The following ZNF555 variants were observed in gnomAD, a reference collection of about 807,000 sequenced individuals.
ZNF555 encodes the protein zinc finger protein 555.
Under a neutral mutation model 14.0 loss-of-function variants are expected in ZNF555, and 10 were observed. That is an observed-to-expected ratio of 0.72 (90% CI 0.44 to 1.21). The LOEUF is 1.21. Among genes scored for constraint, ZNF555 ranks in the 50% most tolerant of loss-of-function variants. ZNF555 has a pLI of 0.00. For synonymous variants in ZNF555, 277 were observed against 262.4 expected, an observed-to-expected ratio of 1.06 and a Z score of -0.54; for missense variants, 747 against 762.0, an observed-to-expected ratio of 0.98 and a Z score of 0.23.
At chr19:2,843,260 C>T (rs1176714478) in intron 1 of ZNF555, among the ~76,000 whole-genome samples, 1 of 152,138 alleles carries the variant, frequency 6.6e-6, no homozygotes, top group Non-Finnish European at 1.5e-5. Flanking sequence ...ACCTCCTGGG[C>T]TCAAGCAATC....
Position 2,853,801 on chromosome 19 carries a change from T to G in ZNF555, c.1736T>G (p.Leu579Ter). 1 of 1,613,224 alleles carries G rather than the reference T, an allele frequency of 6.2e-7. No individual in the cohort carries two copies. Among genetic ancestry groups the G allele is most frequent in the East Asian group, 2.2e-5 (1 of 44,882 alleles). ...AAAGCATTCAATTGTTCCTCATCCT[T>G]AAGGCGACATGTGAGAATACACACT... Reference protein sequence around the residue: ...CGKAFNCSSSLRRHVRIHTTE... With the variant: ...CGKAFNCSSS Residue 579 changes from leucine to a stop codon, truncating the protein, a stop_gained, in exon 4 of 4, where the codon TTA (leucine) becomes TGA (stop). Transcript: ENST00000334241. LOFTEE classifies it low-confidence loss of function (END_TRUNC).
Position 2,851,457 on chromosome 19 carries a change from T to C in ZNF555, c.131-11T>C. 1 of 1,563,878 alleles carries C rather than the reference T, an allele frequency of 6.4e-7. No individual in the cohort carries two copies. Among genetic ancestry groups the C allele is most frequent in the Non-Finnish European group, 8.6e-7 (1 of 1,159,066 alleles). On this transcript the variant is annotated splice_polypyrimidine_tract_variant and intron_variant, in intron 2 of 3. Transcript: ENST00000334241. The stretch of plus-strand genomic sequence containing the variant: ...GCCTTCTTATATGATTTGTTTACTT[T>C]TTGGTTTCAGATGATGAAACTCAAT...
chr19:2,857,145 T>C lies in ZNF555; in HGVS notation c.*3193T>C, dbSNP rs2087689710. The C allele has an allele frequency of 1.3e-5, 2 of 152,184 alleles. No individual in the cohort carries two copies. The highest frequency in any genetic ancestry group is 2.9e-5 in the Non-Finnish European group (2 of 68,036). The allele number at this position is 152,184 out of a possible 1,614,324, so 9.4% of individuals were successfully genotyped here. On this transcript the variant is annotated 3_prime_UTR_variant, in exon 4 of 4. Coordinates refer to ENST00000334241, the MANE Select transcript of ZNF555 (RefSeq NM_152791.5). ...TAGAGTTTTATTAAAGAGCAAACAATATCCAGTAATCTCCATTACTTTCCA... is the reference window on the plus strand; with the variant it reads ...TAGAGTTTTATTAAAGAGCAAACAACATCCAGTAATCTCCATTACTTTCCA...
chr19:2,844,945 T>A (rs544793669), intron 1 of ZNF555, among the ~76,000 whole-genome samples: 1 of 152,340 alleles, frequency 6.6e-6, no homozygotes, highest in Non-Finnish European at 1.5e-5. Flanking sequence ...GTAAATTCCA[T>A]TGGCTGCAAT....
At chr19:2,846,122 G>A (rs549114451) in intron 1 of ZNF555, among the ~76,000 whole-genome samples, 1 of 152,246 alleles carries the variant, frequency 6.6e-6, no homozygotes, top group South Asian at 2.1e-4. Context: ...TTAGTCCTCA[G>A]TTTCAGAGGC....
At chr19:2,851,673 A>G (rs756623086) in intron 3 of ZNF555, 22 bp downstream of exon 3, 2 of 1,510,702 alleles carry the variant, frequency 1.3e-6, no homozygotes, top group Non-Finnish European at 1.8e-6. Flanking sequence ...TCACAAGAGA[A>G]CATAGTATTT....
At position 2,855,133 on chromosome 19, in the gene ZNF555, A is replaced by G. The variant is rs2087672848; in HGVS notation, c.*1181A>G. 1 of 152,118 alleles carries G rather than the reference A, an allele frequency of 6.6e-6. No individual in the cohort carries two copies. The highest frequency in any genetic ancestry group is 1.5e-5 in the Non-Finnish European group (1 of 68,010). The allele number at this position is 152,118 out of a possible 1,614,324, so 9.4% of individuals were successfully genotyped here. On this transcript the variant is annotated 3_prime_UTR_variant, in exon 4 of 4. Transcript: ENST00000334241. The stretch of plus-strand genomic sequence containing the variant: ...ATGTGAGAACAAATACCTTCCTCAT[A>G]TATTAGATTTAGGGAGATTTCTGTT...
At chr19:2,842,075 G>T (rs1189138955) in intron 1 of ZNF555, among the ~76,000 whole-genome samples, 2 of 152,084 alleles carry the variant, frequency 1.3e-5, no homozygotes, top group East Asian at 1.9e-4. Flanking sequence ...GCGCTCCCGC[G>T]GCTCAGCTCC....
intron 1 of ZNF555, among the ~76,000 whole-genome samples, chr19:2,843,419 C>T (rs1298009710): frequency 6.6e-6 from 1 of 152,210 alleles, no homozygotes; most frequent in East Asian, 1.9e-4. Flanking sequence ...CCCTCCTCGA[C>T]CAGCCTTGTT....
intron 2 of ZNF555, 142 bp downstream of exon 2, chr19:2,850,855 C>G: frequency 9.6e-7 from 1 of 1,037,770 alleles, no homozygotes; most frequent in Non-Finnish European, 1.4e-6. Flanking sequence ...TGTCATAGAG[C>G]TAGAATGTAA....
Position 2,857,580 on chromosome 19 carries a change from G to A in ZNF555, c.*3628G>A, listed in dbSNP as rs2087693802. On this transcript the variant is annotated 3_prime_UTR_variant, in exon 4 of 4. Transcript: ENST00000334241. ...AAGAGTGTTCTGTCATGATTGTAGT[G>A]GTGAAAACAAGCATTTGCAAAAACT... 1 of 152,118 alleles carries A rather than the reference G, an allele frequency of 6.6e-6. No homozygotes were observed. Among genetic ancestry groups the A allele is most frequent in the Non-Finnish European group, 1.5e-5 (1 of 68,022 alleles). The allele number at this position is 152,118 out of a possible 1,614,324, so 9.4% of individuals were successfully genotyped here.
rs1341651892 is a variant in ZNF555 at position 2,853,285 on chromosome 19, A to T, written c.1220A>T (p.His407Leu). The stretch of plus-strand genomic sequence containing the variant: ...AACCAGTGCGGGAAAGCATTCAGTC[A>T]CCCCTCCTCCTTTCGAGGACACATG... ...ECNQCGKAFS[H>L]PSSFRGHMRV... Residue 407 changes from histidine to leucine, a missense_variant, in exon 4 of 4, where the codon CAC (histidine) becomes CTC (leucine). Coordinates refer to ENST00000334241, the MANE Select transcript of ZNF555 (RefSeq NM_152791.5). The T allele has an allele frequency of 4.3e-6, 7 of 1,613,918 alleles. No individual in the cohort carries two copies. The highest frequency in any genetic ancestry group is 5.9e-6 in the Non-Finnish European group (7 of 1,179,952).
chr19:2,853,669 C>G lies in ZNF555; in HGVS notation c.1604C>G (p.Pro535Arg). ...QHVRTHTVEKPYECKECGKVF... is the reference protein window; with the variant it reads ...QHVRTHTVEKRYECKECGKVF... Reference sequence around the variant, plus strand: ...GTGAGAACGCACACTGTAGAGAAGCCCTATGAATGTAAGGAATGTGGGAAG... The same window carrying G: ...GTGAGAACGCACACTGTAGAGAAGCGCTATGAATGTAAGGAATGTGGGAAG... Residue 535 changes from proline (P) to arginine (R), a missense_variant, in exon 4 of 4, where the codon CCC becomes CGC. Physicochemically the swap from Pro to Arg is moderately radical, Grantham distance 103. Transcript: ENST00000334241. 1 of 1,583,580 alleles carries G rather than the reference C, an allele frequency of 6.3e-7. No homozygotes were observed. Among genetic ancestry groups the G allele is most frequent in the South Asian group, 1.2e-5 (1 of 84,638 alleles).
At chr19:2,850,531 T>C (rs1434755356) in intron 1 of ZNF555, 56 bp from the exon 2 acceptor site, 3 of 1,594,014 alleles carry the variant, frequency 1.9e-6, no homozygotes, top group Non-Finnish European at 2.6e-6. Context: ...TTGAGTACAA[T>C]GCTCCTGGGC....
chr19:2,847,553 G>GA (rs1237668270), intron 1 of ZNF555, among the ~76,000 whole-genome samples: 2 of 152,056 alleles, frequency 1.3e-5, no homozygotes, highest in African/African-American at 2.4e-5. Context: ...AAAAATTGGA[G>GA]AAAAAATCCT....
At chr19:2,848,710 A>G (rs943051443) in intron 1 of ZNF555, among the ~76,000 whole-genome samples, 17 of 152,192 alleles carry the variant, frequency 1.1e-4, no homozygotes, top group Non-Finnish European at 1.6e-4. Context: ...AGCCTCCCAA[A>G]GTGCTGGGGT....
Position 2,841,569 on chromosome 19 carries a change from G to GGA in ZNF555, c.-3_-2dup. On this transcript the variant is annotated 5_prime_UTR_variant, in exon 1 of 4. Transcript: ENST00000334241. ...CGCCGGTAGCGAAGAAATCGCCCCG[G>GGA]GACATGGTGAGTGTGGCGCAGGAGA... is the stretch of plus-strand genomic sequence containing the variant. 6.5e-7 allele frequency: 1 copy of GGA among 1,543,666 alleles called. No homozygotes were observed. The highest frequency in any genetic ancestry group is 1.2e-5 in the South Asian group (1 of 83,844).
In ZNF555 at chr19:2,846,139, T is replaced by C. The variant is rs796806148; in HGVS notation, c.4-4448T>C. Among the ~76,000 whole-genome samples, 27 of 152,352 alleles carry C rather than the reference T, an allele frequency of 1.8e-4. 1 individual carries two copies. The highest frequency in any genetic ancestry group is 6.5e-4 in the African/African-American group (27 of 41,578). On this transcript the variant is annotated intron_variant, in intron 1 of 3. Transcript: ENST00000334241. The stretch of plus-strand genomic sequence containing the variant: ...AGTCCTCAGTTTCAGAGGCTCTGCC[T>C]GAGGCATCATTTTCAAGCAGTTTTG...
At position 2,856,526 on chromosome 19, in the gene ZNF555, G is replaced by C. The variant is rs941118597; in HGVS notation, c.*2574G>C. On this transcript the variant is annotated 3_prime_UTR_variant, in exon 4 of 4. Transcript: ENST00000334241. ...GGCCTAAAATGATTTCTTATTTGTGGTTAATAACAATTAAAAAGCGGAAAT... is the reference window on the plus strand; with the variant it reads ...GGCCTAAAATGATTTCTTATTTGTGCTTAATAACAATTAAAAAGCGGAAAT... 4 of 152,182 alleles carry C rather than the reference G, an allele frequency of 2.6e-5. No individual in the cohort carries two copies. Among genetic ancestry groups the C allele is most frequent in the Non-Finnish European group, 5.9e-5 (4 of 68,050 alleles). The allele number at this position is 152,182 out of a possible 1,614,324, so 9.4% of individuals were successfully genotyped here.
Sources: gnomAD v4.1 joint callset for allele counts (sites outside exome capture counted in the v4.1 genomes callset) on GRCh38, gnomAD v4.1.1 for gene constraint, MANE v1.5 for transcripts, NCBI Gene and HGNC (gene_info 2026-07-23, HGNC 2026-07-21) for gene names.